The following COMMD1 variants were observed in gnomAD, a reference collection of about 807,000 sequenced individuals.
The protein encoded by COMMD1 is copper metabolism domain containing 1.
Under a neutral mutation model 17.2 loss-of-function variants are expected in COMMD1, and 10 were observed. That is an observed-to-expected ratio of 0.58 (90% CI 0.36 to 0.99). The LOEUF (loss-of-function observed/expected upper bound fraction) is 0.99, where lower values mean the gene tolerates loss of function less well. Among genes scored for constraint, COMMD1 ranks in the 50% least tolerant of loss-of-function variants. COMMD1 has a pLI of 0.01. For missense variants in COMMD1, 270 were observed against 231.8 expected (o/e 1.17, Z -1.07); for synonymous variants, 97 against 91.6 (o/e 1.06, Z -0.34).
intron 1 of COMMD1, among the ~76,000 whole-genome samples, chr2:61,948,154 G>C (rs1670959315): frequency 6.6e-6 from 1 of 152,020 alleles, no homozygotes; most frequent in South Asian, 2.1e-4. Flanking sequence ...TGTCACCTAG[G>C]CTGGAGTACA....
At chr2:62,029,639 C>T (rs1434256473) in intron 2 of COMMD1, among the ~76,000 whole-genome samples, 2 of 152,156 alleles carry the variant, frequency 1.3e-5, no homozygotes, top group Admixed American at 1.3e-4. Flanking sequence ...ATCATTATCA[C>T]ATTTGAAAAG....
At chr2:62,126,579 G>A (rs1386370833) in intron 2 of COMMD1, among the ~76,000 whole-genome samples, 1 of 152,194 alleles carries the variant, frequency 6.6e-6, no homozygotes, top group Non-Finnish European at 1.5e-5. Context: ...TTTGAGAAGT[G>A]TCTGTTCATG....
intron 2 of COMMD1, among the ~76,000 whole-genome samples, chr2:62,035,384 A>AATG (rs1361934418): frequency 2.0e-5 from 3 of 152,190 alleles, no homozygotes; most frequent in Non-Finnish European, 1.5e-5. Flanking sequence ...GAGGATTCCC[A>AATG]GTTCTATGTT....
intron 2 of COMMD1, among the ~76,000 whole-genome samples, chr2:62,068,562 T>C (rs1671116093): frequency 6.6e-6 from 1 of 151,842 alleles, no homozygotes. Flanking sequence ...AAGGATAAGA[T>C]TGGAGAATGC....
chr2:62,077,039 C>T lies in COMMD1; in HGVS notation c.463-58792C>T, dbSNP rs149250331. Among the ~76,000 whole-genome samples the T allele has an allele frequency of 7.3e-3, 1,104 of 152,048 alleles. 16 individuals are homozygous for T. The highest frequency in any genetic ancestry group is 0.025 in the African/African-American group (1,019 of 41,472). On this transcript the variant is annotated intron_variant, in intron 2 of 2. Transcript: ENST00000311832. ...CCAGCTACTTGGGAGGCTGAGGTGG[C>T]AAGATCGTTTGAGCCTGGGAGGTTG... is the stretch of plus-strand genomic sequence containing the variant.
rs145918225 is a variant in COMMD1, at chr2:62,132,631, G to T, written c.463-3200G>T. On this transcript the variant is annotated intron_variant, in intron 2 of 2. Transcript: ENST00000311832. Reference sequence around the variant, plus strand: ...AGGCCAAGGCAGGCAGATCACTTGAGGTCAGGAGTTCGAGACCAGCCTGGC... The same window carrying T: ...AGGCCAAGGCAGGCAGATCACTTGATGTCAGGAGTTCGAGACCAGCCTGGC... Among the ~76,000 whole-genome samples the T allele has an allele frequency of 2.9e-3, 438 of 152,216 alleles. 2 individuals are homozygous for T. The highest frequency in any genetic ancestry group is 4.9e-3 in the Non-Finnish European group (332 of 68,014).
chr2:62,022,440 C>G (rs1218083300), intron 2 of COMMD1, among the ~76,000 whole-genome samples: 1 of 144,758 alleles, frequency 6.9e-6, no homozygotes, highest in Non-Finnish European at 1.5e-5. Context: ...TATTATTTAC[C>G]GGCGCTTCTT....
At chr2:61,913,512 T>G (rs1669965533) in intron 1 of COMMD1, among the ~76,000 whole-genome samples, 1 of 151,290 alleles carries the variant, frequency 6.6e-6, no homozygotes, top group Admixed American at 6.6e-5. Flanking sequence ...TACAAAAAAT[T>G]AGCTCTACTA....
At chr2:61,919,657 T>G (rs1213100015) in intron 1 of COMMD1, among the ~76,000 whole-genome samples, 2 of 152,094 alleles carry the variant, frequency 1.3e-5, no homozygotes. Context: ...ACAAATAGAT[T>G]GTGAGGTAGG....
At chr2:62,134,628 T>A (rs1673137054) in intron 2 of COMMD1, among the ~76,000 whole-genome samples, 1 of 151,750 alleles carries the variant, frequency 6.6e-6, no homozygotes, top group African/African-American at 2.4e-5. Context: ...TTTTTTTTTT[T>A]AGTTAACTGG....
chr2:62,034,449 G>A (rs988874088), intron 2 of COMMD1, among the ~76,000 whole-genome samples: 12 of 152,258 alleles, frequency 7.9e-5, no homozygotes, highest in Non-Finnish European at 1.6e-4. Context: ...AGCCAAGATC[G>A]TGCCACTGCC....
At chr2:62,117,398 T>G (rs1672637079) in intron 2 of COMMD1, among the ~76,000 whole-genome samples, 1 of 152,228 alleles carries the variant, frequency 6.6e-6, no homozygotes, top group Non-Finnish European at 1.5e-5. Context: ...TAGAATAACA[T>G]TTACATGTGG....
intron 2 of COMMD1, among the ~76,000 whole-genome samples, chr2:62,085,112 G>T (rs1418152781): frequency 6.6e-6 from 1 of 152,154 alleles, no homozygotes; most frequent in African/African-American, 2.4e-5. Context: ...CTTTCACATA[G>T]AGTTAAAATC....
chr2:62,037,634 T>C (rs936594857), intron 2 of COMMD1, among the ~76,000 whole-genome samples: 1 of 152,202 alleles, frequency 6.6e-6, no homozygotes, highest in African/African-American at 2.4e-5. Context: ...CTTGGAGTTA[T>C]GATGTTACCC....
At chr2:61,995,404 C>T (rs1187890339) in intron 1 of COMMD1, among the ~76,000 whole-genome samples, 2 of 152,202 alleles carry the variant, frequency 1.3e-5, no homozygotes, top group Non-Finnish European at 2.9e-5. Flanking sequence ...TTTTTCTATT[C>T]ACTGTTAAAC....
intron 1 of COMMD1, among the ~76,000 whole-genome samples, chr2:61,947,639 C>T (rs1320458528): frequency 2.6e-5 from 4 of 151,808 alleles, no homozygotes; most frequent in Non-Finnish European, 4.4e-5. Flanking sequence ...GCCAAGATCG[C>T]GCCACTGCAC....
Position 61,984,237 on chromosome 2 carries a change from G to A in COMMD1, c.181-16464G>A, listed in dbSNP as rs563101401. On this transcript the variant is annotated intron_variant, in intron 1 of 2. Coordinates refer to ENST00000311832, the MANE Select transcript of COMMD1 (RefSeq NM_152516.4). ...GATGGGGTTTCTCAGTGTTGGCCAGGTTGGTCTCGAACTCCTGACCTCAGG... is the reference window on the plus strand; with the variant it reads ...GATGGGGTTTCTCAGTGTTGGCCAGATTGGTCTCGAACTCCTGACCTCAGG... Among the ~76,000 whole-genome samples the A allele has an allele frequency of 2.6e-5, 4 of 152,316 alleles. No individual in the cohort carries two copies. The East Asian group carries it at 7.7e-4, about 29-fold the overall frequency.
At chr2:62,031,124 T>A (rs984104747) in intron 2 of COMMD1, among the ~76,000 whole-genome samples, 1 of 152,192 alleles carries the variant, frequency 6.6e-6, no homozygotes, top group African/African-American at 2.4e-5. Context: ...ATACTGATCA[T>A]TGCCTCACTA....
upstream of COMMD1, among the ~76,000 whole-genome samples, chr2:61,901,404 C>T (rs932785759): frequency 6.6e-6 from 1 of 151,770 alleles, no homozygotes; most frequent in Non-Finnish European, 1.5e-5. Context: ...GGGTGGATCA[C>T]CTGAGGCCAG....
Sources: allele counts gnomAD v4.1 joint callset (sites outside exome capture counted in the v4.1 genomes callset), GRCh38; gene constraint gnomAD v4.1.1; transcripts MANE v1.5; gene names NCBI Gene and HGNC (gene_info 2026-07-23, HGNC 2026-07-21).